The following COL19A1 variants were observed in gnomAD, a reference collection of about 807,000 sequenced individuals.
The protein encoded by COL19A1 is collagen type XIX alpha 1 chain.
COL19A1 carries 159 observed loss-of-function variants against 190.2 expected under a neutral mutation model. That is an observed-to-expected ratio of 0.84 (90% confidence interval 0.73 to 0.95). COL19A1 has a LOEUF of 0.95. Among genes scored for constraint, COL19A1 ranks in the 40% least tolerant of loss-of-function variants. The probability of loss-of-function intolerance (pLI) is 0.00; values close to 1 mark genes in which losing one functional copy is unlikely to be tolerated. For synonymous variants in COL19A1, 509 were observed against 458.9 expected, an observed-to-expected ratio of 1.11 and a Z score of -1.39; for missense variants, 1,418 against 1,431.9, an observed-to-expected ratio of 0.99 and a Z score of 0.16.
chr6:70,199,899 A>G (rs754683974), intron 49 of COL19A1, 163 bp downstream of exon 49: 2 of 668,734 alleles, frequency 3.0e-6, no homozygotes. Context: ...TAATCTCTTT[A>G]TAATATTTGA....
intron 4 of COL19A1, among the ~76,000 whole-genome samples, chr6:69,922,857 T>G (rs1221954139): frequency 1.3e-5 from 2 of 152,120 alleles, no homozygotes; most frequent in African/African-American, 4.8e-5. Context: ...ATTTGCTGGA[T>G]CACTCACTCA....
At chr6:70,045,118 GC>G (rs1372007654) in intron 14 of COL19A1, among the ~76,000 whole-genome samples, 2 of 151,868 alleles carry the variant, frequency 1.3e-5, no homozygotes, top group Non-Finnish European at 2.9e-5. Context: ...TTTGAGACCA[GC>G]CTGACCAAAA....
At chr6:70,180,041 C>A (rs1426773243) in intron 42 of COL19A1, among the ~76,000 whole-genome samples, 4 of 152,128 alleles carry the variant, frequency 2.6e-5, no homozygotes, top group Non-Finnish European at 5.9e-5. Flanking sequence ...TCCCACCATG[C>A]CTGGGTAATT....
At chr6:70,070,148 T>C (rs910120785) in intron 15 of COL19A1, among the ~76,000 whole-genome samples, 2 of 152,122 alleles carry the variant, frequency 1.3e-5, no homozygotes, top group African/African-American at 4.8e-5. Context: ...GACAGACTTG[T>C]TAGATACTGG....
intron 39 of COL19A1, 25 bp from the exon 40 acceptor site, chr6:70,168,630 A>C: frequency 6.2e-7 from 1 of 1,611,328 alleles, no homozygotes; most frequent in Non-Finnish European, 8.5e-7. Context: ...TATTTGAAAA[A>C]TGACTTTCCA....
At chr6:69,964,191 G>C (rs1774964035) in intron 11 of COL19A1, among the ~76,000 whole-genome samples, 1 of 152,082 alleles carries the variant, frequency 6.6e-6, no homozygotes, top group Non-Finnish European at 1.5e-5. Flanking sequence ...ATAATTATAA[G>C]ACAAAGTACA....
At chr6:70,118,590 A>C (rs1784714908) in intron 16 of COL19A1, among the ~76,000 whole-genome samples, 1 of 152,254 alleles carries the variant, frequency 6.6e-6, no homozygotes, top group Non-Finnish European at 1.5e-5. Context: ...AGTGAGAAAG[A>C]AAATGTCATC....
intron 9 of COL19A1, among the ~76,000 whole-genome samples, chr6:69,955,144 A>G (rs1396559245): frequency 6.6e-6 from 1 of 152,122 alleles, no homozygotes; most frequent in Non-Finnish European, 1.5e-5. Context: ...TAGTCTCATA[A>G]TAAAGTGAAA....
At chr6:70,073,232 C>G (rs948034784) in intron 15 of COL19A1, among the ~76,000 whole-genome samples, 1 of 152,098 alleles carries the variant, frequency 6.6e-6, no homozygotes, top group East Asian at 1.9e-4. Flanking sequence ...AGGTGATCCA[C>G]GCTCCTTGGC....
chr6:69,899,506 A>T (rs571935674), intron 3 of COL19A1, among the ~76,000 whole-genome samples: 1 of 152,134 alleles, frequency 6.6e-6, no homozygotes, highest in African/African-American at 2.4e-5. Context: ...AGGGTTCTAT[A>T]TGTTTAATCT....
intron 4 of COL19A1, among the ~76,000 whole-genome samples, chr6:69,901,896 G>A (rs1350554954): frequency 6.6e-6 from 1 of 152,150 alleles, no homozygotes; most frequent in Non-Finnish European, 1.5e-5. Flanking sequence ...CTAATTTTAC[G>A]TAGCTACACT....
intron 16 of COL19A1, among the ~76,000 whole-genome samples, chr6:70,114,952 A>T (rs1211583182): frequency 6.6e-6 from 1 of 152,216 alleles, no homozygotes; most frequent in Non-Finnish European, 1.5e-5. Context: ...TCAGATTAGC[A>T]CTGAAACATG....
intron 12 of COL19A1, among the ~76,000 whole-genome samples, chr6:70,024,367 T>G (rs1162105130): frequency 6.6e-6 from 1 of 152,246 alleles, no homozygotes; most frequent in Non-Finnish European, 1.5e-5. Context: ...AAAATGAGAA[T>G]TAGTTTTTCC....
intron 15 of COL19A1, among the ~76,000 whole-genome samples, chr6:70,081,243 A>C (rs1401864417): frequency 6.6e-6 from 1 of 152,102 alleles, no homozygotes; most frequent in African/African-American, 2.4e-5. Flanking sequence ...TAATATTTCT[A>C]ATTGTCTTCT....
At chr6:69,885,877 C>A (rs1016602067) in intron 2 of COL19A1, among the ~76,000 whole-genome samples, 5 of 152,112 alleles carry the variant, frequency 3.3e-5, no homozygotes, top group Non-Finnish European at 5.9e-5. Flanking sequence ...AACCGTAAAA[C>A]TCCCAGAAGC....
intron 15 of COL19A1, among the ~76,000 whole-genome samples, chr6:70,069,344 C>G (rs1781422026): frequency 6.6e-6 from 1 of 152,108 alleles, no homozygotes; most frequent in African/African-American, 2.4e-5. Context: ...GTTCTGCCTT[C>G]TGTAAAATAA....
At chr6:70,035,802 C>G (rs1204512397) in intron 13 of COL19A1, 102 bp from the exon 14 acceptor site, 2 of 896,354 alleles carry the variant, frequency 2.2e-6, no homozygotes, top group African/African-American at 1.7e-5. Context: ...TTCTATTCTT[C>G]AAGATTTATC....
At position 69,893,353 on chromosome 6, in the gene COL19A1, G is replaced by A. The variant is rs562398675; in HGVS notation, c.92-5595G>A. Among the ~76,000 whole-genome samples, 39 of 152,306 alleles carry A rather than the reference G, an allele frequency of 2.6e-4. No individual in the cohort carries two copies. The South Asian group carries it at 7.7e-3, about 30-fold the overall frequency. On this transcript the variant is annotated intron_variant, in intron 2 of 50. Transcript: ENST00000620364. ...GATTAAAATAGGACAACAATTGTCTGTGAATAGCAAAATGTCCAGGGTAAT... is the reference window on the plus strand; with the variant it reads ...GATTAAAATAGGACAACAATTGTCTATGAATAGCAAAATGTCCAGGGTAAT...
chr6:70,048,529 G>A (rs1276050948), intron 14 of COL19A1, among the ~76,000 whole-genome samples: 1 of 151,968 alleles, frequency 6.6e-6, no homozygotes, highest in Non-Finnish European at 1.5e-5. Context: ...GCAACCAATT[G>A]GTTAAAGTTG....
Sources: allele counts gnomAD v4.1 joint callset (sites outside exome capture counted in the v4.1 genomes callset), GRCh38; gene constraint gnomAD v4.1.1; transcripts MANE v1.5; gene names NCBI Gene and HGNC (gene_info 2026-07-23, HGNC 2026-07-21).